Variants in F5 observed in about 807,000 individuals in gnomAD.
F5 encodes coagulation factor V.
F5 carries 138 observed loss-of-function variants against 216.4 expected under a neutral mutation model. The ratio of observed to expected loss-of-function variants is 0.64; its 90% CI spans 0.56 to 0.73. The LOEUF (loss-of-function observed/expected upper bound fraction) is 0.73, where lower values mean the gene tolerates loss of function less well. Ranked by LOEUF, F5 falls within the 30% of genes least tolerant of loss-of-function variation. F5 has a pLI of 0.00. For missense variants in F5, 2,403 were observed against 2,674.0 expected (o/e 0.90, Z 2.24); for synonymous variants, 916 against 930.7 (o/e 0.98, Z 0.29).
chr1:169,519,618 T>G (rs1659244750), intron 22 of F5, among the ~76,000 whole-genome samples: 1 of 152,166 alleles, frequency 6.6e-6, no homozygotes, highest in African/African-American at 2.4e-5. Context: ...TTCAGCTACT[T>G]TCTCCATTGT....
chr1:169,559,026 T>A, intron 5 of F5, 127 bp downstream of exon 5: 1 of 961,920 alleles, frequency 1.0e-6, no homozygotes, highest in Non-Finnish European at 1.6e-6. Context: ...AGAGAAAATA[T>A]TTCCTTCTTG....
chr1:169,563,439 A>T (rs1292122498), intron 3 of F5, among the ~76,000 whole-genome samples: 1 of 152,072 alleles, frequency 6.6e-6, no homozygotes, highest in Non-Finnish European at 1.5e-5. Flanking sequence ...TCTGGGATCC[A>T]ATTACACATA....
intron 2 of F5, among the ~76,000 whole-genome samples, chr1:169,574,513 T>A (rs944644384): frequency 4.6e-5 from 7 of 152,184 alleles, no homozygotes; most frequent in African/African-American, 1.7e-4. Flanking sequence ...CCATTAGGCG[T>A]CCTAGAAGCA....
At chr1:169,546,107 T>C (rs1659994954) in intron 11 of F5, among the ~76,000 whole-genome samples, 1 of 152,104 alleles carries the variant, frequency 6.6e-6, no homozygotes, top group Admixed American at 6.6e-5. Context: ...AGGATACTAT[T>C]GACATGGACT....
At chr1:169,559,771 GAA>G (rs1446401323) in intron 4 of F5, among the ~76,000 whole-genome samples, 2 of 152,168 alleles carry the variant, frequency 1.3e-5, no homozygotes, top group Non-Finnish European at 2.9e-5. Flanking sequence ...TAAAATGCAA[GAA>G]GAGTCTTTTG....
At chr1:169,553,433 GCGCGGTGGCTCA>G (rs1338160447) in intron 7 of F5, among the ~76,000 whole-genome samples, 1 of 152,224 alleles carries the variant, frequency 6.6e-6, no homozygotes, top group Non-Finnish European at 1.5e-5. Context: ...ATGAGGCCGG[GCGCGGTGGCTCA>G]CGCCTGTACT....
At chr1:169,561,182 T>G (rs1047150560) in intron 3 of F5, among the ~76,000 whole-genome samples, 5 of 152,158 alleles carry the variant, frequency 3.3e-5, no homozygotes, top group African/African-American at 1.2e-4. Context: ...GAGCTGTTTA[T>G]GTATTATTTT....
Position 169,573,654 on chromosome 1 carries a change from A to C in F5, c.251-1311T>G, listed in dbSNP as rs9332514. Among the ~76,000 whole-genome samples, 366 of 152,324 alleles carry C rather than the reference A, an allele frequency of 2.4e-3. 2 individuals carry two copies. Among genetic ancestry groups the C allele is most frequent in the African/African-American group, 8.3e-3 (346 of 41,574 alleles). ...AGAGACAGGAGGTTATGGGTGCAGA[A>C]ATCAAGAATGAGGTTTTACTTTCTA... On this transcript the variant is annotated intron_variant, in intron 2 of 24. Transcript: ENST00000367797.
intron 10 of F5, among the ~76,000 whole-genome samples, chr1:169,549,097 GA>G (rs1401468051): frequency 1.3e-5 from 2 of 152,130 alleles, no homozygotes; most frequent in Non-Finnish European, 2.9e-5. Context: ...CATATGTCCA[GA>G]AATTCATTTC....
chr1:169,513,374 G>C lies in F5; in HGVS notation c.*939C>G, dbSNP rs1360930870. ...TTCCCCAGTTGTGCAATATCTACAG[G>C]ATCACTGAATGCCAAGTCCCCAGGG... On this transcript the variant is annotated 3_prime_UTR_variant, in exon 25 of 25. Coordinates refer to ENST00000367797, the MANE Select transcript of F5 (RefSeq NM_000130.5). 2.6e-5 allele frequency among the ~76,000 whole-genome samples: 4 copies of C among 151,952 alleles called. No individual in the cohort carries two copies. The highest frequency in any genetic ancestry group is 4.4e-5 in the Non-Finnish European group (3 of 67,954).
At chr1:169,585,737 G>T (rs1034971940) in intron 1 of F5, among the ~76,000 whole-genome samples, 1 of 152,094 alleles carries the variant, frequency 6.6e-6, no homozygotes, top group Non-Finnish European at 1.5e-5. Context: ...CATTTATAAG[G>T]CAGCAATAAA....
At chr1:169,561,605 A>G (rs1660489410) in intron 3 of F5, among the ~76,000 whole-genome samples, 2 of 152,142 alleles carry the variant, frequency 1.3e-5, no homozygotes, top group African/African-American at 4.8e-5. Context: ...TAGAGAGCCA[A>G]GTGGAATGAA....
intron 3 of F5, among the ~76,000 whole-genome samples, chr1:169,565,800 G>A (rs2027885): frequency 0.037 from 5,685 of 152,064 alleles, 153 homozygotes; most frequent in Middle Eastern, 0.065. Flanking sequence ...TGAACTTTGC[G>A]CTAGCATAAA....
At chr1:169,516,628 A>AT (rs1659161363) in intron 23 of F5, among the ~76,000 whole-genome samples, 1 of 152,336 alleles carries the variant, frequency 6.6e-6, no homozygotes, top group Admixed American at 6.5e-5. Context: ...GTGTGTCTTC[A>AT]TATCAAGGTT....
At chr1:169,543,398 A>G (rs1571576519) in intron 12 of F5, among the ~76,000 whole-genome samples, 1 of 152,274 alleles carries the variant, frequency 6.6e-6, no homozygotes, top group East Asian at 1.9e-4. Flanking sequence ...GCTTAACAGA[A>G]TAAAAAACAA....
rs1659053501 is a variant in F5 at position 169,512,565 on chromosome 1, A to T, written c.*1748T>A. The stretch of plus-strand genomic sequence containing the variant: ...CCCTTTGCAACTGAACAGATCACAC[A>T]CATCCAAGAAGCTGGCCCTGTAGAA... On this transcript the variant is annotated 3_prime_UTR_variant, in exon 25 of 25. Coordinates refer to ENST00000367797, the MANE Select transcript of F5 (RefSeq NM_000130.5). Among the ~76,000 whole-genome samples the T allele has an allele frequency of 6.6e-6, 1 of 152,068 alleles. No individual in the cohort carries two copies. The highest frequency in any genetic ancestry group is 2.1e-4 in the South Asian group (1 of 4,820).
At position 169,542,862 on chromosome 1, in the gene F5, G is replaced by C; in HGVS notation, c.2228C>G (p.Ser743Ter). Residue 743 changes from serine to a stop codon, truncating the protein, a stop_gained, in exon 13 of 25, where the codon TCA (serine) becomes TGA (stop). Coordinates refer to ENST00000367797, the MANE Select transcript of F5 (RefSeq NM_000130.5). LOFTEE classifies it high-confidence loss of function. Reference sequence around the variant, plus strand: ...GAACTCTTCTTCTTCCTGATTCAATGATGAGTTTCGGAATGACCTGATTCC... The same window carrying C: ...GAACTCTTCTTCTTCCTGATTCAATCATGAGTTTCGGAATGACCTGATTCC... The part of the protein sequence containing the change: ...ALGIRSFRNS[S>*]LNQEEEEFNL... The C allele has an allele frequency of 6.2e-7, 1 of 1,614,164 alleles. No homozygotes were observed. The highest frequency in any genetic ancestry group is 8.5e-7 in the Non-Finnish European group (1 of 1,180,014).
At chr1:169,523,754 T>G (rs991306620) in intron 20 of F5, 47 bp downstream of exon 20, 6 of 1,454,900 alleles carry the variant, frequency 4.1e-6, no homozygotes, top group Admixed American at 3.3e-5. Flanking sequence ...CACTTTCATT[T>G]TTATTATTAC....
rs984836970 is a variant in F5 at position 169,514,345 on chromosome 1, G to A, written c.6643C>T (p.Arg2215Cys). The A allele has an allele frequency of 1.1e-5, 18 of 1,613,164 alleles. No individual in the cohort carries two copies. In the East Asian group the frequency reaches 2.0e-4, roughly 18 times the overall value. ...ATATCACAGCCAAAGAGTTCCAGGC[G>A]AAGTGCAATACTTTGATTCCATGTT... The part of the protein sequence containing the change: ...PKTWNQSIAL[R>C]LELFGCDIY Residue 2215 changes from arginine to cysteine, a missense_variant, in exon 25 of 25, where the codon CGC (arginine) becomes TGC (cysteine). Transcript: ENST00000367797.
Sources: allele counts gnomAD v4.1 joint callset (sites outside exome capture counted in the v4.1 genomes callset), GRCh38; gene constraint gnomAD v4.1.1; transcripts MANE v1.5; gene names NCBI Gene and HGNC (gene_info 2026-07-23, HGNC 2026-07-21).